The following GRIN2A variants were observed in gnomAD, a reference collection of about 807,000 sequenced individuals.
GRIN2A encodes the protein glutamate receptor ionotropic, NMDA 2A.
Under a neutral mutation model 113.4 loss-of-function variants are expected in GRIN2A, and 22 were observed. That is an observed-to-expected ratio of 0.19 (90% CI 0.14 to 0.28). GRIN2A has a LOEUF of 0.28. Ranked by LOEUF, GRIN2A falls within the 10% of genes least tolerant of loss-of-function variation. The pLI is 1.00. For missense variants in GRIN2A, 1,502 were observed against 1,887.0 expected (o/e 0.80, Z 3.78); for synonymous variants, 827 against 738.4 (o/e 1.12, Z -1.94).
chr16:9,831,286 A>C (rs2042487728), intron 8 of GRIN2A, among the ~76,000 whole-genome samples: 1 of 152,126 alleles, frequency 6.6e-6, no homozygotes, highest in Non-Finnish European at 1.5e-5. Context: ...TTACCTTCCA[A>C]AATGTAACTC....
rs1472625969 is a variant in GRIN2A, at chr16:9,985,804, G to A, written c.415-47253C>T. Among the ~76,000 whole-genome samples, 3 of 152,068 alleles carry A rather than the reference G, an allele frequency of 2.0e-5. No homozygotes were observed. In the East Asian group the frequency reaches 5.8e-4, roughly 29 times the overall value. ...TTAATAGCACAACAGGGTGACTACA[G>A]TCAACAATTTATTGTACATTAAAGA... On this transcript the variant is annotated intron_variant, in intron 2 of 12. Coordinates refer to ENST00000330684, the MANE Select transcript of GRIN2A (RefSeq NM_001134407.3).
chr16:10,055,197 T>A (rs531384236), intron 2 of GRIN2A, among the ~76,000 whole-genome samples: 3 of 151,384 alleles, frequency 2.0e-5, no homozygotes, highest in African/African-American at 4.8e-5. Context: ...TAGGTTTGCA[T>A]GTACATATAG....
chr16:10,023,096 C>G (rs533350564), intron 2 of GRIN2A, among the ~76,000 whole-genome samples: 221 of 152,230 alleles, frequency 1.5e-3, no homozygotes, highest in Non-Finnish European at 2.3e-3. Context: ...AAAAAGAGGG[C>G]TCTACCAATG....
intron 2 of GRIN2A, among the ~76,000 whole-genome samples, chr16:10,137,236 C>T (rs1159058851): frequency 6.6e-6 from 1 of 152,168 alleles, no homozygotes; most frequent in Non-Finnish European, 1.5e-5. Context: ...ACAGCACATG[C>T]TACATAACCC....
At chr16:9,778,099 G>A (rs1393249170) in intron 11 of GRIN2A, among the ~76,000 whole-genome samples, 1 of 152,108 alleles carries the variant, frequency 6.6e-6, no homozygotes, top group Non-Finnish European at 1.5e-5. Flanking sequence ...ACTACAACTT[G>A]TGCAGCTTCC....
intron 11 of GRIN2A, among the ~76,000 whole-genome samples, chr16:9,796,368 G>A (rs770158894): frequency 1.7e-4 from 26 of 152,178 alleles, no homozygotes; most frequent in Non-Finnish European, 3.7e-4. Context: ...CCTGTTTGCT[G>A]AATAGTTCAT....
chr16:10,089,503 T>C (rs1460601883), intron 2 of GRIN2A, among the ~76,000 whole-genome samples: 1 of 152,050 alleles, frequency 6.6e-6, no homozygotes, highest in African/African-American at 2.4e-5. Flanking sequence ...TGATACAGGT[T>C]ATGGTTTAGG....
chr16:10,128,226 G>A (rs1323830253), intron 2 of GRIN2A, among the ~76,000 whole-genome samples: 1 of 152,156 alleles, frequency 6.6e-6, no homozygotes, highest in Admixed American at 6.5e-5. Flanking sequence ...GCTGATTTTA[G>A]TCTGTATCCT....
At chr16:9,954,855 G>A (rs1223930182) in intron 2 of GRIN2A, among the ~76,000 whole-genome samples, 1 of 152,150 alleles carries the variant, frequency 6.6e-6, no homozygotes, top group Non-Finnish European at 1.5e-5. Flanking sequence ...TTCAATATGA[G>A]TCAAAGTCCT....
intron 2 of GRIN2A, among the ~76,000 whole-genome samples, chr16:9,950,111 T>A (rs1035992263): frequency 3.9e-5 from 6 of 152,082 alleles, no homozygotes; most frequent in African/African-American, 1.4e-4. Flanking sequence ...ACCAAACAGA[T>A]TCAGGCAAAG....
rs754607560 is a variant in GRIN2A at position 9,840,738 on chromosome 16, T to C, written c.1560A>G (p.Glu520=). The C allele has an allele frequency of 6.2e-7, 1 of 1,611,592 alleles. No individual in the cohort carries two copies. The highest frequency in any genetic ancestry group is 8.5e-7 in the Non-Finnish European group (1 of 1,179,668). Residue 520 remains glutamate (E), a synonymous_variant, in exon 7 of 13, where the codon GAA becomes GAG. Coordinates refer to ENST00000330684, the MANE Select transcript of GRIN2A (RefSeq NM_001134407.3). Reference sequence around the variant, plus strand: ...CAAAGGGCACAGAGAAGTCCACCACTTCAGAACGTTCCTCATTGATGGTGA... The same window carrying C: ...CAAAGGGCACAGAGAAGTCCACCACCTCAGAACGTTCCTCATTGATGGTGA... ...GSLTINEERS[E]VVDFSVPFVE... is the part of the protein sequence containing the mutation.
intron 11 of GRIN2A, among the ~76,000 whole-genome samples, chr16:9,783,439 G>C (rs1379805930): frequency 2.0e-5 from 3 of 152,136 alleles, no homozygotes; most frequent in Non-Finnish European, 4.4e-5. Flanking sequence ...TGAAATCTTT[G>C]GAAGCAATAA....
At chr16:10,034,953 C>A (rs180877890) in intron 2 of GRIN2A, among the ~76,000 whole-genome samples, 1 of 152,148 alleles carries the variant, frequency 6.6e-6, no homozygotes, top group African/African-American at 2.4e-5. Flanking sequence ...CTTCAGCGGC[C>A]CCCATTAAAT....
intron 2 of GRIN2A, among the ~76,000 whole-genome samples, chr16:10,101,954 G>A (rs1242414920): frequency 6.6e-6 from 1 of 152,198 alleles, no homozygotes; most frequent in Non-Finnish European, 1.5e-5. Flanking sequence ...GACAGGAAAA[G>A]CTGAAAACAT....
intron 2 of GRIN2A, among the ~76,000 whole-genome samples, chr16:10,132,340 C>CAAAGAAAAAAAA (rs2049082040): frequency 1.6e-5 from 1 of 61,630 alleles, no homozygotes; most frequent in African/African-American, 5.9e-5. Flanking sequence ...GACACCGTCT[C>CAAAGAAAAAAAA]AAAAAAAAAA....
At chr16:10,086,809 C>T (rs1019910932) in intron 2 of GRIN2A, among the ~76,000 whole-genome samples, 2 of 152,132 alleles carry the variant, frequency 1.3e-5, no homozygotes, top group African/African-American at 2.4e-5. Flanking sequence ...CTAAAAATAC[C>T]CAGCTCATTC....
chr16:9,827,878 C>G (rs970558656), intron 9 of GRIN2A, among the ~76,000 whole-genome samples: 7 of 152,214 alleles, frequency 4.6e-5, no homozygotes, highest in African/African-American at 1.7e-4. Context: ...CCTCTTCCCC[C>G]AGACAATTTT....
chr16:10,030,056 G>T (rs889745331), intron 2 of GRIN2A, among the ~76,000 whole-genome samples: 15 of 152,096 alleles, frequency 9.9e-5, no homozygotes, highest in Non-Finnish European at 2.2e-4. Context: ...AATGGAGGCT[G>T]CAGCATCTTC....
chr16:10,166,433 A>G (rs1411531240), intron 2 of GRIN2A, among the ~76,000 whole-genome samples: 1 of 152,154 alleles, frequency 6.6e-6, no homozygotes, highest in Non-Finnish European at 1.5e-5. Flanking sequence ...CCTTCCCTCT[A>G]CAGCTCATCT....
Sources: gnomAD v4.1 joint callset for allele counts (sites outside exome capture counted in the v4.1 genomes callset) on GRCh38, gnomAD v4.1.1 for gene constraint, MANE v1.5 for transcripts, NCBI Gene and HGNC (gene_info 2026-07-23, HGNC 2026-07-21) for gene names.